Variants in INTS5 observed in about 807,000 individuals in gnomAD.
INTS5 encodes the protein KIAA1698.
A neutral mutation model predicts 60.0 loss-of-function variants in INTS5; 29 were observed. The observed-to-expected ratio is 0.48, with a 90% CI of 0.36 to 0.66. The LOEUF is 0.66. Ranked by LOEUF, INTS5 falls within the 30% of genes least tolerant of loss-of-function variation. INTS5 has a pLI of 0.00. For synonymous variants in INTS5, 588 were observed against 558.8 expected, an observed-to-expected ratio of 1.05 and a Z score of -0.74; for missense variants, 1,129 against 1,307.9, an observed-to-expected ratio of 0.86 and a Z score of 2.11.
intron 1 of INTS5, among the ~76,000 whole-genome samples, chr11:62,651,796 A>T (rs1430317527): frequency 2.0e-5 from 3 of 152,112 alleles, no homozygotes; most frequent in Admixed American, 1.3e-4. Context: ...CCCTGGAAGC[A>T]GGGCTGCAGT....
Position 62,649,735 on chromosome 11 carries a change from T to C in INTS5, c.345A>G (p.Gly115=). The change falls in exon 2 of 2, where the codon GGA becomes GGG. Residue 115 remains glycine, a synonymous_variant. Transcript: ENST00000330574. The surrounding 1 kb of genome is among the most constrained non-coding windows in gnomAD (Gnocchi z 6.0). ...PPPPSHVPAG[G]PGLEDVVQEV... ...CCTGAACCACATCCTCTAGACCAGG[T>C]CCACCAGCAGGGACATGAGAGGGTG... 6.2e-7 allele frequency: 1 copy of C among 1,614,008 alleles called. No individual in the cohort carries two copies. The highest frequency in any genetic ancestry group is 1.1e-5 in the South Asian group (1 of 91,080).
chr11:62,647,632 C>T lies in INTS5; in HGVS notation c.2448G>A (p.Leu816=), dbSNP rs1040093970. The T allele has an allele frequency of 2.5e-6, 4 of 1,614,072 alleles. No homozygotes were observed. Among genetic ancestry groups the T allele is most frequent in the Admixed American group, 3.3e-5 (2 of 60,036 alleles). The change falls in exon 2 of 2, where the codon TTG becomes TTA. Residue 816 remains leucine (L), a synonymous_variant. Transcript: ENST00000330574. The stretch of plus-strand genomic sequence containing the variant: ...CTGCATCGGGACACACACTCTCCAC[C>T]AAGGTCACTGCCACTGCTTTGGCTG... ...PEAAKAVAVT[L]VESVCPDAAG...
chr11:62,648,163 T>G lies in INTS5; in HGVS notation c.1917A>C (p.Leu639Phe). ...CCAGTCCCAGGAGCTGGGAGGGGGA[T>G]AAGGCTTCAGAAGGAAAGGGACAAA... ...LAICPFPSEA[L>F]SPSQLLGLVR... is the part of the protein sequence containing the mutation. Residue 639 changes from leucine (L) to phenylalanine (F), a missense_variant, in exon 2 of 2, where the codon TTA (leucine) becomes TTC (phenylalanine). Physicochemically the swap from Leu to Phe is conservative, Grantham distance 22. Around this residue, in one of 3 missense-constraint regions of INTS5, gnomAD observed 1,070 missense variants for 1,246.1 expected, o/e 0.86. Transcript: ENST00000330574. The surrounding 1 kb of genome is among the most constrained non-coding windows in gnomAD (Gnocchi z 4.4). 1 of 1,613,386 alleles carries G rather than the reference T, an allele frequency of 6.2e-7. No homozygotes were observed. Among genetic ancestry groups the G allele is most frequent in the Non-Finnish European group, 8.5e-7 (1 of 1,179,566 alleles).
rs569085234 is a variant in INTS5, at chr11:62,647,534, C to T, written c.2546G>A (p.Arg849Gln). ...ATVERDLRIG[R>Q]RFREQPLLFE... is the part of the protein sequence containing the mutation. ...GAGCAGGGGCTGTTCGCGGAAGCGC[C>T]GGCCAATGCGGAGATCCCGCTCCAC... The change falls in exon 2 of 2, where the codon CGG (arginine) becomes CAG (glutamine). Residue 849 changes from arginine (R) to glutamine (Q), a missense_variant. Physicochemically the swap from Arg to Gln is conservative, Grantham distance 43. Around this residue, in one of 3 missense-constraint regions of INTS5, gnomAD observed 1,070 missense variants for 1,246.1 expected, o/e 0.86. Transcript: ENST00000330574. The T allele has an allele frequency of 2.5e-6, 4 of 1,613,004 alleles. No individual in the cohort carries two copies. Among genetic ancestry groups the T allele is most frequent in the Non-Finnish European group, 2.5e-6 (3 of 1,179,594 alleles).
chr11:62,652,265 G>A (rs1202232289), intron 1 of INTS5, among the ~76,000 whole-genome samples: 2 of 151,692 alleles, frequency 1.3e-5, no homozygotes, highest in African/African-American at 4.8e-5. Flanking sequence ...GTTGCAGTAA[G>A]CCGAGATCAC....
rs200452990 is a variant in INTS5, at chr11:62,647,222, T to C, written c.2858A>G (p.His953Arg). ...GATGAACTTCTGAGGCAAGGGCCCATGCTCCCGGAGAAAACCCCAGACACT... is the reference window on the plus strand; with the variant it reads ...GATGAACTTCTGAGGCAAGGGCCCACGCTCCCGGAGAAAACCCCAGACACT... Reference protein sequence around the residue: ...LLSVWGFLREHGPLPQKFIFQ... With the variant: ...LLSVWGFLRERGPLPQKFIFQ... Residue 953 changes from histidine (H) to arginine (R), a missense_variant, in exon 2 of 2, where the codon CAT becomes CGT. Around this residue, in one of 3 missense-constraint regions of INTS5, gnomAD observed 1,070 missense variants for 1,246.1 expected, o/e 0.86. Transcript: ENST00000330574. The C allele has an allele frequency of 2.1e-5, 34 of 1,614,178 alleles. No homozygotes were observed. In the East Asian group the frequency reaches 4.9e-4, roughly 23 times the overall value.
chr11:62,650,202 C>T (rs534841966), intron 1 of INTS5, among the ~76,000 whole-genome samples: 49 of 151,814 alleles, frequency 3.2e-4, no homozygotes, highest in Non-Finnish European at 5.9e-4. Context: ...CTGCAAGCTC[C>T]GCCTCCTGGG....
Position 62,646,859 on chromosome 11 carries a change from A to C in INTS5, c.*161T>G. 1.3e-6 allele frequency: 1 copy of C among 760,840 alleles called. No individual in the cohort carries two copies. Among genetic ancestry groups the C allele is most frequent in the Non-Finnish European group, 2.1e-6 (1 of 478,306 alleles). The allele number at this position is 760,840 out of a possible 1,614,324, so 47.1% of individuals were successfully genotyped here. On this transcript the variant is annotated 3_prime_UTR_variant, in exon 2 of 2. Coordinates refer to ENST00000330574, the MANE Select transcript of INTS5 (RefSeq NM_030628.2). Reference sequence around the variant, plus strand: ...CAGAAGCACTGGACTGGTTTTCTCAAGTTGGCAAATTTTATTTAGAAAAAA... The same window carrying C: ...CAGAAGCACTGGACTGGTTTTCTCACGTTGGCAAATTTTATTTAGAAAAAA...
Position 62,649,143 on chromosome 11 carries a change from G to A in INTS5, c.937C>T (p.Leu313Phe). Residue 313 changes from leucine (L) to phenylalanine (F), a missense_variant, in exon 2 of 2, where the codon CTC becomes TTC. By Grantham distance (22) the Leu-to-Phe change is conservative. Transcript: ENST00000330574. This position sits in a 1 kb window ranked among gnomAD's most constrained non-coding sequence, Gnocchi z 6.0. Reference sequence around the variant, plus strand: ...AGGCTATCATGGAACATTCGCAGGAGCTCCCGTCGGATGCTATCTCCGTGG... The same window carrying A: ...AGGCTATCATGGAACATTCGCAGGAACTCCCGTCGGATGCTATCTCCGTGG... ...SRHGDSIRRE[L>F]LRMFHDSLAG... The A allele has an allele frequency of 2.5e-6, 4 of 1,613,282 alleles. No homozygotes were observed. Among genetic ancestry groups the A allele is most frequent in the Non-Finnish European group, 3.4e-6 (4 of 1,179,294 alleles).
intron 1 of INTS5, among the ~76,000 whole-genome samples, chr11:62,650,452 G>A (rs1944584754): frequency 2.0e-5 from 3 of 151,744 alleles, no homozygotes; most frequent in South Asian, 2.1e-4. Context: ...TTGCTTTGTC[G>A]CCCAGGCTGG....
In INTS5 at chr11:62,647,798, G is replaced by A. The variant is rs115761477; in HGVS notation, c.2282C>T (p.Pro761Leu). Residue 761 changes from proline (P) to leucine (L), a missense_variant, in exon 2 of 2, where the codon CCC (proline) becomes CTC (leucine). Physicochemically the swap from Pro to Leu is moderately conservative, Grantham distance 98. Around this residue, in one of 3 missense-constraint regions of INTS5, gnomAD observed 1,070 missense variants for 1,246.1 expected, o/e 0.86. Coordinates refer to ENST00000330574, the MANE Select transcript of INTS5 (RefSeq NM_030628.2). ...AGVIGRGLKP[P>L]KFVQSRNQQE... Reference sequence around the variant, plus strand: ...CTGATTTCGTGACTGGACAAACTTGGGTGGCTTTAAGCCACGGCCGATGAC... The same window carrying A: ...CTGATTTCGTGACTGGACAAACTTGAGTGGCTTTAAGCCACGGCCGATGAC... 746 of 1,614,168 alleles carry A rather than the reference G, an allele frequency of 4.6e-4. 3 individuals carry two copies. The African/African-American group carries it at 8.7e-3, about 19-fold the overall frequency.
At chr11:62,650,734 GTCTC>G (rs1216159435) in intron 1 of INTS5, among the ~76,000 whole-genome samples, 3 of 151,850 alleles carry the variant, frequency 2.0e-5, no homozygotes, top group Admixed American at 6.6e-5. Context: ...TCAAGACAGG[GTCTC>G]TCTCTGTCAC....
chr11:62,649,424 T>C lies in INTS5; in HGVS notation c.656A>G (p.His219Arg). 4.3e-6 allele frequency: 7 copies of C among 1,614,122 alleles called. No individual in the cohort carries two copies. The highest frequency in any genetic ancestry group is 5.9e-6 in the Non-Finnish European group (7 of 1,180,022). Residue 219 changes from histidine (H) to arginine (R), a missense_variant, in exon 2 of 2, where the codon CAT becomes CGT. His to Arg is a conservative substitution (Grantham distance 29). Transcript: ENST00000330574. This position sits in a 1 kb window ranked among gnomAD's most constrained non-coding sequence, Gnocchi z 6.0. ...CACAACCCAGTCAAAGTGTGGAGAATGCTGAACAGAGGTATCCAGCAAGGC... is the reference window on the plus strand; with the variant it reads ...CACAACCCAGTCAAAGTGTGGAGAACGCTGAACAGAGGTATCCAGCAAGGC... The part of the protein sequence containing the change: ...VDALLDTSVQ[H>R]SPHFDWVVAH...
Position 62,648,481 on chromosome 11 carries a change from A to G in INTS5, c.1599T>C (p.Ser533=). 2 of 1,614,144 alleles carry G rather than the reference A, an allele frequency of 1.2e-6. No individual in the cohort carries two copies. The highest frequency in any genetic ancestry group is 1.1e-5 in the South Asian group (1 of 91,090). ...GCCCTGCATATAACTGGGTGGCCAA[A>G]CTCAACTCTTCAGGGCTTCGGGCTC... ...LSRARSPEEL[S]LATQLYAGLV... The change falls in exon 2 of 2, where the codon AGT becomes AGC. Residue 533 remains serine (S), a synonymous_variant. Transcript: ENST00000330574. This position sits in a 1 kb window ranked among gnomAD's most constrained non-coding sequence, Gnocchi z 4.4.
intron 1 of INTS5, among the ~76,000 whole-genome samples, chr11:62,652,876 G>A (rs1168435350): frequency 6.6e-6 from 1 of 152,194 alleles, no homozygotes; most frequent in Non-Finnish European, 1.5e-5. Context: ...GGTCAAAAAT[G>A]GCCAGGGCAG....
Position 62,647,555 on chromosome 11 carries a change from T to C in INTS5, c.2525A>G (p.Glu842Gly). The C allele has an allele frequency of 1.2e-6, 2 of 1,613,730 alleles. No individual in the cohort carries two copies. The highest frequency in any genetic ancestry group is 1.7e-6 in the Non-Finnish European group (2 of 1,179,972). Residue 842 changes from glutamate to glycine, a missense_variant, in exon 2 of 2, where the codon GAG becomes GGG. Coordinates refer to ENST00000330574, the MANE Select transcript of INTS5 (RefSeq NM_030628.2). The stretch of plus-strand genomic sequence containing the variant: ...GCGCCGGCCAATGCGGAGATCCCGC[T>C]CCACGGTGGCCCGGGCGTGTTCCTC... ...PPEEHARATV[E>G]RDLRIGRRFR...
chr11:62,649,652 A>G lies in INTS5; in HGVS notation c.428T>C (p.Val143Ala). The G allele has an allele frequency of 1.2e-6, 2 of 1,614,222 alleles. No individual in the cohort carries two copies. Among genetic ancestry groups the G allele is most frequent in the Non-Finnish European group, 1.7e-6 (2 of 1,180,040 alleles). Residue 143 changes from valine (V) to alanine (A), a missense_variant, in exon 2 of 2, where the codon GTG (valine) becomes GCG (alanine). Val to Ala is a moderately conservative substitution (Grantham distance 64, BLOSUM62 0). This residue lies in a region of INTS5 where 1,070 missense variants were observed against 1,246.1 expected (regional missense o/e 0.86). Transcript: ENST00000330574. The surrounding 1 kb of genome is among the most constrained non-coding windows in gnomAD (Gnocchi z 6.0). ...GAGGTCAATGGACCATGCACTAATC[A>G]CAGGTGCCCAGGCCTTTGGGTTGGC... is the stretch of plus-strand genomic sequence containing the variant. The part of the protein sequence containing the change: ...IRANPKAWAP[V>A]ISAWSIDLMG...
At position 62,649,013 on chromosome 11, in the gene INTS5, G is replaced by C; in HGVS notation, c.1067C>G (p.Ser356Cys). The change falls in exon 2 of 2, where the codon TCT becomes TGT. Residue 356 changes from serine (S) to cysteine (C), a missense_variant. Physicochemically the swap from Ser to Cys is moderately radical, Grantham distance 112. Transcript: ENST00000330574. The surrounding 1 kb of genome is among the most constrained non-coding windows in gnomAD (Gnocchi z 6.0). ...VMSPALLGTV[S>C]GELVDCLKPP... is the part of the protein sequence containing the mutation. ...CTTGAGGCAATCCACAAGCTCTCCA[G>C]AGACAGTGCCCAGCAAAGCTGGTGA... 1 of 1,613,358 alleles carries C rather than the reference G, an allele frequency of 6.2e-7. No individual in the cohort carries two copies. Among genetic ancestry groups the C allele is most frequent in the Non-Finnish European group, 8.5e-7 (1 of 1,179,676 alleles).
In INTS5 at chr11:62,648,246, G is replaced by A; in HGVS notation, c.1834C>T (p.Pro612Ser). 1 of 1,613,838 alleles carries A rather than the reference G, an allele frequency of 6.2e-7. No individual in the cohort carries two copies. The change falls in exon 2 of 2, where the codon CCT becomes TCT. Residue 612 changes from proline (P) to serine (S), a missense_variant. Pro to Ser is a moderately conservative substitution (Grantham distance 74, BLOSUM62 -1). Around this residue, in one of 3 missense-constraint regions of INTS5, gnomAD observed 1,070 missense variants for 1,246.1 expected, o/e 0.86. Coordinates refer to ENST00000330574, the MANE Select transcript of INTS5 (RefSeq NM_030628.2). This position sits in a 1 kb window ranked among gnomAD's most constrained non-coding sequence, Gnocchi z 4.4. ...TCCTCCTCAGGATGTAGCAGGAGAG[G>A]AGCCAGGTCAGACAGATGGGCTGAG... ...SASAHLSDLA[P>S]LLLHPEEEVA...
Sources: gnomAD v4.1 joint callset for allele counts (sites outside exome capture counted in the v4.1 genomes callset) on GRCh38, gnomAD v4.1.1 for gene constraint, gnomAD v4.1.1 regional missense constraint, Gnocchi (gnomAD v3.1) non-coding constraint, MANE v1.5 for transcripts, NCBI Gene and HGNC (gene_info 2026-07-23, HGNC 2026-07-21) for gene names.